DOK6: variants seen among roughly 807,000 people sequenced by gnomAD.
DOK6 encodes docking protein 6.
A neutral mutation model predicts 44.0 loss-of-function variants in DOK6; 22 were observed. That is an observed-to-expected ratio of 0.50 (90% CI 0.36 to 0.71). DOK6 has a LOEUF of 0.71. DOK6 is among the 30% of genes least tolerant of loss of function. DOK6 has a pLI of 0.00. For missense variants in DOK6, 340 were observed against 416.4 expected (o/e 0.82, Z 1.60); for synonymous variants, 166 against 145.5 (o/e 1.14, Z -1.01).
chr18:69,695,301 G>A (rs1319010358), intron 4 of DOK6, among the ~76,000 whole-genome samples: 1 of 152,144 alleles, frequency 6.6e-6, no homozygotes, highest in Non-Finnish European at 1.5e-5. Context: ...AGCATTCTGT[G>A]TTTCAACAAA....
chr18:69,438,575 A>G (rs1287757134), intron 1 of DOK6, among the ~76,000 whole-genome samples: 2 of 152,176 alleles, frequency 1.3e-5, no homozygotes, highest in African/African-American at 4.8e-5. Flanking sequence ...ACCTCCTCCA[A>G]TGAATCAGAA....
intron 3 of DOK6, among the ~76,000 whole-genome samples, chr18:69,636,147 C>G (rs1398811888): frequency 1.3e-5 from 2 of 152,200 alleles, no homozygotes; most frequent in East Asian, 3.8e-4. Flanking sequence ...GTAAAATTGT[C>G]TGTAGCATGA....
chr18:69,544,651 G>A (rs1982354550), intron 1 of DOK6, among the ~76,000 whole-genome samples: 1 of 151,342 alleles, frequency 6.6e-6, no homozygotes, highest in Admixed American at 6.6e-5. Flanking sequence ...TCAGGAACTG[G>A]GTCTTGGCAT....
intron 1 of DOK6, among the ~76,000 whole-genome samples, chr18:69,495,036 A>C (rs1212662454): frequency 6.6e-6 from 1 of 152,218 alleles, no homozygotes; most frequent in African/African-American, 2.4e-5. Flanking sequence ...CAGCAACTGC[A>C]CAGTCACGCA....
At chr18:69,650,039 T>A (rs1985182201) in intron 3 of DOK6, among the ~76,000 whole-genome samples, 1 of 152,082 alleles carries the variant, frequency 6.6e-6, no homozygotes, top group Non-Finnish European at 1.5e-5. Flanking sequence ...GCGACTTTCC[T>A]TTCCAAGGAA....
At chr18:69,714,794 A>G (rs1207231210) in intron 5 of DOK6, among the ~76,000 whole-genome samples, 2 of 152,332 alleles carry the variant, frequency 1.3e-5, no homozygotes, top group East Asian at 1.9e-4. Context: ...TTTTTCATCT[A>G]TGCAGTGCAA....
intron 7 of DOK6, among the ~76,000 whole-genome samples, chr18:69,781,053 C>G (rs1219656215): frequency 3.9e-5 from 6 of 152,150 alleles, no homozygotes; most frequent in African/African-American, 1.4e-4. Context: ...TTGCAATCCC[C>G]ACAAACAATT....
At chr18:69,508,912 C>A (rs932573305) in intron 1 of DOK6, among the ~76,000 whole-genome samples, 1 of 152,138 alleles carries the variant, frequency 6.6e-6, no homozygotes, top group Non-Finnish European at 1.5e-5. Flanking sequence ...GAAAAGGAAC[C>A]ACTTTTGCTG....
At chr18:69,817,934 T>C (rs189352202) in intron 7 of DOK6, among the ~76,000 whole-genome samples, 26 of 152,274 alleles carry the variant, frequency 1.7e-4, no homozygotes, top group Non-Finnish European at 4.4e-5. Flanking sequence ...CAAAGGCCCA[T>C]TTAAACTAAG....
At chr18:69,758,990 T>C (rs1394527010) in intron 7 of DOK6, among the ~76,000 whole-genome samples, 1 of 152,230 alleles carries the variant, frequency 6.6e-6, no homozygotes. Flanking sequence ...AGATATGTTC[T>C]ACAAGGCAAA....
intron 1 of DOK6, among the ~76,000 whole-genome samples, chr18:69,545,817 A>AT (rs2144584362): frequency 6.6e-6 from 1 of 151,598 alleles, no homozygotes; most frequent in South Asian, 2.1e-4. Context: ...ATAATTGCAA[A>AT]TGATGAAATT....
intron 1 of DOK6, among the ~76,000 whole-genome samples, chr18:69,455,991 G>C (rs1331912731): frequency 6.6e-6 from 1 of 151,994 alleles, no homozygotes; most frequent in Non-Finnish European, 1.5e-5. Context: ...ATTTAAAAGA[G>C]GGATTAAAGA....
chr18:69,671,952 A>G (rs1390657741), intron 3 of DOK6, among the ~76,000 whole-genome samples: 1 of 152,184 alleles, frequency 6.6e-6, no homozygotes, highest in Non-Finnish European at 1.5e-5. Context: ...TCGCTCATTG[A>G]TACTTAGGGG....
intron 7 of DOK6, among the ~76,000 whole-genome samples, chr18:69,793,587 G>T (rs890185865): frequency 7.9e-5 from 12 of 152,034 alleles, no homozygotes; most frequent in Non-Finnish European, 1.5e-4. Flanking sequence ...TTTAAAAGGG[G>T]AACTTAAGAC....
intron 6 of DOK6, among the ~76,000 whole-genome samples, chr18:69,756,739 G>C (rs774096798): frequency 9.2e-5 from 14 of 152,116 alleles, no homozygotes; most frequent in Non-Finnish European, 1.8e-4. Flanking sequence ...CCAGGCACGG[G>C]GTGTGCAGGT....
chr18:69,629,962 C>T (rs1386471863), intron 3 of DOK6, among the ~76,000 whole-genome samples: 1 of 152,018 alleles, frequency 6.6e-6, no homozygotes, highest in East Asian at 1.9e-4. Flanking sequence ...GATGGGGTTT[C>T]ACCGCGTTGG....
At chr18:69,431,398 C>G (rs915372628) in intron 1 of DOK6, among the ~76,000 whole-genome samples, 2 of 152,160 alleles carry the variant, frequency 1.3e-5, no homozygotes, top group Non-Finnish European at 2.9e-5. Flanking sequence ...CTTAGCAACT[C>G]TAGGCAAGAG....
chr18:69,797,581 T>C (rs1466399536), intron 7 of DOK6, among the ~76,000 whole-genome samples: 1 of 152,170 alleles, frequency 6.6e-6, no homozygotes, highest in Non-Finnish European at 1.5e-5. Flanking sequence ...AGATGTCTTC[T>C]ACTTATTTTA....
intron 1 of DOK6, among the ~76,000 whole-genome samples, chr18:69,414,694 A>G (rs945904322): frequency 4.6e-5 from 7 of 152,028 alleles, no homozygotes; most frequent in Non-Finnish European, 8.8e-5. Context: ...TGGTTATGAA[A>G]TGAGATGGTA....
Sources: gnomAD v4.1 joint callset for allele counts (sites outside exome capture counted in the v4.1 genomes callset) on GRCh38, gnomAD v4.1.1 for gene constraint, MANE v1.5 for transcripts, NCBI Gene and HGNC (gene_info 2026-07-23, HGNC 2026-07-21) for gene names.